Variants in RSPH10B observed in about 807,000 individuals in gnomAD.
RSPH10B encodes the protein radial spoke head 10 homolog B (Chlamydomonas).
RSPH10B carries 7 observed loss-of-function variants against 52.5 expected under a neutral mutation model. The observed-to-expected ratio is 0.13, with a 90% CI of 0.08 to 0.25. The LOEUF (loss-of-function observed/expected upper bound fraction) is 0.25, where lower values mean the gene tolerates loss of function less well. Ranked by LOEUF, RSPH10B falls within the 10% of genes least tolerant of loss-of-function variation. The pLI, the probability that RSPH10B is intolerant of heterozygous loss-of-function variation, is 1.00. For missense variants in RSPH10B, 89 were observed against 542.5 expected (o/e 0.16, Z 8.30); for synonymous variants, 28 against 193.2 (o/e 0.14, Z 7.09).
intron 16 of RSPH10B, among the ~76,000 whole-genome samples, chr7:5,933,487 T>G (rs1779874793): frequency 7.2e-6 from 1 of 137,952 alleles, no homozygotes. Flanking sequence ...CGGCTAGGCG[T>G]GGTGGCTCAT....
In RSPH10B at chr7:5,927,074, G is replaced by GTGTGTATATATATA. The variant is rs1562553365; in HGVS notation, c.2433-527_2433-526insTATATATATACACA. ...TATGTGTGTGTGTGTGTGTATATGT[G>GTGTGTATATATATA]TGTGTGTGTGTGTGTGTGTGTGTAT... On this transcript the variant is annotated intron_variant, in intron 18 of 18. Transcript: ENST00000337579. Among the ~76,000 whole-genome samples, 58 of 74,192 alleles carry GTGTGTATATATATA rather than the reference G, an allele frequency of 7.8e-4. 1 individual carries two copies. The highest frequency in any genetic ancestry group is 1.1e-3 in the Non-Finnish European group (45 of 40,122). The allele number at this position is 74,192 out of a possible 152,430, so 48.7% of individuals were successfully genotyped here.
At position 5,943,481 on chromosome 7, in the gene RSPH10B, A is replaced by G. The variant is rs781122300; in HGVS notation, c.1610-9T>C. The G allele has an allele frequency of 3.1e-6, 5 of 1,604,818 alleles. No individual in the cohort carries two copies. In the South Asian group the frequency reaches 4.4e-5, roughly 14 times the overall value. On this transcript the variant is annotated splice_polypyrimidine_tract_variant and intron_variant, in intron 12 of 18. Transcript: ENST00000337579. Reference sequence around the variant, plus strand: ...CTCACGGAATAAATTGCCTAAAAATACAACGTTCGAAAAATGATTACAGAT... The same window carrying G: ...CTCACGGAATAAATTGCCTAAAAATGCAACGTTCGAAAAATGATTACAGAT...
chr7:5,941,873 T>C (rs1169341540), intron 13 of RSPH10B, among the ~76,000 whole-genome samples: 4 of 147,974 alleles, frequency 2.7e-5, no homozygotes, highest in Non-Finnish European at 6.0e-5. Flanking sequence ...TTGTTTTAAA[T>C]GATATCCATC....
chr7:5,943,634 C>CT (rs1163958317), intron 12 of RSPH10B, among the ~76,000 whole-genome samples, 162 bp from the exon 15 acceptor site: 1 of 148,642 alleles, frequency 6.7e-6, no homozygotes, highest in Non-Finnish European at 1.5e-5. Flanking sequence ...ACCTCCGCCC[C>CT]CCAGGCTCAA....
At chr7:5,927,669 C>T (rs1779573389) in intron 18 of RSPH10B, among the ~76,000 whole-genome samples, 1 of 146,808 alleles carries the variant, frequency 6.8e-6, no homozygotes, top group South Asian at 2.1e-4. Context: ...CATGCAGTGA[C>T]TCACCCCTGT....
At chr7:5,926,205 CTGG>C (rs1779386683) in exon 19 of RSPH10B, 1 of 517,522 alleles carries the variant, frequency 1.9e-6, no homozygotes, top group African/African-American at 2.1e-5. Flanking sequence ...GTTGCCCAGG[CTGG>C]TCTCGAACTC....
intron 18 of RSPH10B, among the ~76,000 whole-genome samples, chr7:5,927,076 G>GTATA (rs1383646838): frequency 3.6e-4 from 47 of 131,650 alleles, no homozygotes; most frequent in South Asian, 2.8e-3. Flanking sequence ...GTATATGTGT[G>GTATA]TGTGTGTGTG....
chr7:5,963,302 G>T (rs1780972668), intron 3 of RSPH10B: 1 of 144,124 alleles, frequency 6.9e-6, no homozygotes, highest in Admixed American at 7.1e-5. Context: ...TGAACCCAAG[G>T]TGGGGGCCCA....
chr7:5,929,011 G>T lies in RSPH10B; in HGVS notation c.2234-617C>A, dbSNP rs554719804. On this transcript the variant is annotated intron_variant, in intron 17 of 18. Transcript: ENST00000337579. ...AAGAATAAAAAAACTCGTTTCTCTT[G>T]CTTTTTTCTTTTTTTTTTAAAGACA... Among the ~76,000 whole-genome samples the T allele has an allele frequency of 2.1e-5, 3 of 145,566 alleles. 1 individual carries two copies. In the East Asian group the frequency reaches 6.9e-4, roughly 34 times the overall value.
intron 3 of RSPH10B, among the ~76,000 whole-genome samples, chr7:5,964,186 G>A (rs1781021876): frequency 6.7e-6 from 1 of 148,948 alleles, no homozygotes; most frequent in African/African-American, 2.5e-5. Flanking sequence ...GCAGTGTTAT[G>A]ATCGTACCAC....
chr7:5,929,637 C>G (rs1290198395), intron 17 of RSPH10B, among the ~76,000 whole-genome samples: 7 of 3,162 alleles, frequency 2.2e-3, no homozygotes, highest in Non-Finnish European at 3.5e-3. Flanking sequence ...CCCTCTCTAT[C>G]TTTCTTGTCT....
chr7:5,927,066 G>GTATATA (rs1227035142), intron 18 of RSPH10B, among the ~76,000 whole-genome samples: 1,783 of 106,312 alleles, frequency 0.017, 3 homozygotes, highest in African/African-American at 0.046. Context: ...GTGTGTGTGT[G>GTATATA]TATATGTGTG....
intron 13 of RSPH10B, among the ~76,000 whole-genome samples, chr7:5,942,868 AAT>A (rs1197312237): frequency 1.4e-5 from 2 of 145,188 alleles, no homozygotes; most frequent in African/African-American, 5.1e-5. Context: ...GTCTCAAAAA[AAT>A]AAAATTAAAA....
At chr7:5,926,905 C>A (rs1357429089) in intron 18 of RSPH10B, among the ~76,000 whole-genome samples, 2 of 143,610 alleles carry the variant, frequency 1.4e-5, no homozygotes, top group African/African-American at 5.1e-5. Context: ...TAGGCTTCCG[C>A]TACCACGCCC....
At chr7:5,941,453 C>T (rs1254417003) in intron 13 of RSPH10B, among the ~76,000 whole-genome samples, 1 of 146,638 alleles carries the variant, frequency 6.8e-6, no homozygotes, top group Non-Finnish European at 1.5e-5. Flanking sequence ...ATTAAAAGTA[C>T]CATGGAACAG....
intron 17 of RSPH10B, among the ~76,000 whole-genome samples, chr7:5,931,427 C>A (rs6964095): frequency 0.079 from 11,785 of 149,818 alleles, 317 homozygotes; most frequent in East Asian, 0.32. Context: ...AGAGAGACAC[C>A]GTCAGAAAAG....
intron 7 of RSPH10B, among the ~76,000 whole-genome samples, chr7:5,955,179 A>G: frequency 7.7e-6 from 1 of 130,078 alleles, no homozygotes; most frequent in Non-Finnish European, 1.6e-5. Flanking sequence ...AAAAGAAAAA[A>G]AAAGTCATGT....
intron 6 of RSPH10B, among the ~76,000 whole-genome samples, chr7:5,956,747 T>G (rs1780742171): frequency 7.2e-6 from 1 of 138,772 alleles, no homozygotes; most frequent in African/African-American, 2.6e-5. Flanking sequence ...TTTTATATTT[T>G]TAGTAGAGAT....
upstream of RSPH10B, chr7:5,970,609 G>A (rs1220994556): frequency 7.0e-6 from 1 of 142,826 alleles, no homozygotes; most frequent in Non-Finnish European, 1.5e-5. Flanking sequence ...CGCGGCCTGG[G>A]GCGCTCACCT....
Sources: allele counts gnomAD v4.1 joint callset (sites outside exome capture counted in the v4.1 genomes callset), GRCh38; gene constraint gnomAD v4.1.1; transcripts MANE v1.5; gene names NCBI Gene and HGNC (gene_info 2026-07-23, HGNC 2026-07-21).